EPB41L3: variants seen among roughly 807,000 people sequenced by gnomAD.
EPB41L3 encodes the protein erythrocyte membrane protein band 4.1 like 3, also known as band 4.1-like protein 3.
EPB41L3 carries 57 observed loss-of-function variants against 127.1 expected under a neutral mutation model. The ratio of observed to expected loss-of-function variants is 0.45; its 90% CI spans 0.36 to 0.56. The LOEUF is 0.56. Ranked by LOEUF, EPB41L3 falls within the 20% of genes least tolerant of loss-of-function variation. The pLI is 0.00. For synonymous variants in EPB41L3, 572 were observed against 549.5 expected, an observed-to-expected ratio of 1.04 and a Z score of -0.57; for missense variants, 1,273 against 1,372.2, an observed-to-expected ratio of 0.93 and a Z score of 1.14.
intron 16 of EPB41L3, chr18:5,399,601 T>G (rs952975835): frequency 1.3e-5 from 5 of 378,482 alleles, no homozygotes; most frequent in East Asian, 3.8e-5. Context: ...GTAGGTAGAG[T>G]TGCAACTTCT....
intron 13 of EPB41L3, among the ~76,000 whole-genome samples, chr18:5,412,293 G>A (rs1426998860): frequency 6.6e-6 from 1 of 152,054 alleles, no homozygotes; most frequent in African/African-American, 2.4e-5. Flanking sequence ...CGCCTCCTGG[G>A]TTCAAGTGAT....
intron 1 of EPB41L3, among the ~76,000 whole-genome samples, chr18:5,519,065 C>T (rs1455661082): frequency 6.6e-6 from 1 of 152,176 alleles, no homozygotes; most frequent in Non-Finnish European, 1.5e-5. Context: ...GATGAAATTA[C>T]AGGACTGATA....
chr18:5,495,450 T>A (rs1465097232), intron 1 of EPB41L3, among the ~76,000 whole-genome samples: 4 of 148,350 alleles, frequency 2.7e-5, no homozygotes, highest in Admixed American at 6.7e-5. Context: ...CAGGCCCCAG[T>A]CCCCTGCTTC....
chr18:5,582,108 G>T (rs1326948838), intron 3 of EPB41L3, among the ~76,000 whole-genome samples: 1 of 152,236 alleles, frequency 6.6e-6, no homozygotes, highest in Non-Finnish European at 1.5e-5. Flanking sequence ...AGAAACATTT[G>T]TTTTATGGTA....
chr18:5,448,388 A>C (rs2081833741), intron 3 of EPB41L3, among the ~76,000 whole-genome samples: 1 of 152,090 alleles, frequency 6.6e-6, no homozygotes, highest in Non-Finnish European at 1.5e-5. Context: ...CTAGCATATT[A>C]TTCAACTTTT....
Position 5,397,414 on chromosome 18 carries a change from T to C in EPB41L3, c.2485A>G (p.Lys829Glu). ...SQSWVQKMET[K>E]TESSGIETEP... ...GTCTCTATTCCACTGGACTCCGTCT[T>C]GGTTTCCATTTTCTGCATGGGAAGA... is the stretch of plus-strand genomic sequence containing the variant. Residue 829 changes from lysine to glutamate, a missense_variant, in exon 18 of 23, where the codon AAG becomes GAG. By Grantham distance (56) the Lys-to-Glu change is moderately conservative (BLOSUM62 1). Coordinates refer to ENST00000341928, the MANE Select transcript of EPB41L3 (RefSeq NM_012307.5). This position sits in a 1 kb window ranked among gnomAD's most constrained non-coding sequence, Gnocchi z 4.1. 6.2e-7 allele frequency: 1 copy of C among 1,607,242 alleles called. No individual in the cohort carries two copies. The highest frequency in any genetic ancestry group is 8.5e-7 in the Non-Finnish European group (1 of 1,175,836).
At chr18:5,629,237 G>T (rs962799437), upstream of EPB41L3, among the ~76,000 whole-genome samples, 1 of 151,922 alleles carries the variant, frequency 6.6e-6, no homozygotes. Context: ...TTCCGCGTTG[G>T]TCGTGGGGGT....
At chr18:5,622,501 G>A (rs1056968274) in intron 1 of EPB41L3, among the ~76,000 whole-genome samples, 1 of 152,182 alleles carries the variant, frequency 6.6e-6, no homozygotes, top group African/African-American at 2.4e-5. Flanking sequence ...AGTATGCAGT[G>A]AGCTAAATAG....
At chr18:5,571,678 G>C (rs1201832590) in intron 3 of EPB41L3, among the ~76,000 whole-genome samples, 1 of 152,190 alleles carries the variant, frequency 6.6e-6, no homozygotes, top group Non-Finnish European at 1.5e-5. Context: ...TTTTATCCCT[G>C]CTGGTTGATC....
intron 11 of EPB41L3, 103 bp downstream of exon 11, chr18:5,423,275 A>G: frequency 8.3e-7 from 1 of 1,206,760 alleles, no homozygotes; most frequent in Non-Finnish European, 1.1e-6. Context: ...GCTTTTCAAC[A>G]TACAATATCC....
chr18:5,567,910 A>T (rs566617811), intron 3 of EPB41L3, among the ~76,000 whole-genome samples: 1 of 152,282 alleles, frequency 6.6e-6, no homozygotes, highest in South Asian at 2.1e-4. Flanking sequence ...TAAAACTGAG[A>T]ATATTATAGT....
chr18:5,514,346 T>C (rs940474762), intron 1 of EPB41L3, among the ~76,000 whole-genome samples: 2 of 152,154 alleles, frequency 1.3e-5, no homozygotes, highest in Non-Finnish European at 2.9e-5. Flanking sequence ...CACAAAATGT[T>C]CTCCAACATT....
intron 9 of EPB41L3, among the ~76,000 whole-genome samples, 178 bp downstream of exon 9, chr18:5,428,135 T>C (rs2078478001): frequency 6.6e-6 from 1 of 152,158 alleles, no homozygotes; most frequent in African/African-American, 2.4e-5. Context: ...AACAATATAA[T>C]AAAGAAGAGA....
intron 2 of EPB41L3, chr18:5,480,847 T>G (rs991024627): frequency 2.0e-5 from 3 of 152,198 alleles, no homozygotes; most frequent in Non-Finnish European, 4.4e-5. Context: ...GGTATAGATA[T>G]TCATACTTTT....
chr18:5,428,277 T>G (rs749880603), intron 9 of EPB41L3, 36 bp downstream of exon 9: 1 of 1,609,196 alleles, frequency 6.2e-7, no homozygotes. Flanking sequence ...CAGGGATCTT[T>G]CCTCCCAACG....
rs536524936 is a variant in EPB41L3 at position 5,627,010 on chromosome 18, T to G, written c.-468+1912A>C. On this transcript the variant is annotated intron_variant, in intron 1 of 21. Transcript: ENST00000545076. ...AGAAGAGAGAGAAGGCAGGGTGTTA[T>G]AGCTCAGAAGGTGGAACTGGAAGGA... is the stretch of plus-strand genomic sequence containing the variant. Among the ~76,000 whole-genome samples, 27 of 152,248 alleles carry G rather than the reference T, an allele frequency of 1.8e-4. No individual in the cohort carries two copies. In the East Asian group the frequency reaches 2.7e-3, roughly 15 times the overall value.
chr18:5,467,961 A>AC (rs1461959880), intron 3 of EPB41L3, among the ~76,000 whole-genome samples: 8 of 151,072 alleles, frequency 5.3e-5, no homozygotes, highest in Non-Finnish European at 1.0e-4. Flanking sequence ...GGGTACAGGA[A>AC]CCCCCCTGCC....
chr18:5,419,587 A>G, intron 12 of EPB41L3, 124 bp downstream of exon 12: 1 of 1,307,724 alleles, frequency 7.6e-7, no homozygotes, highest in Non-Finnish European at 1.1e-6. Context: ...TGACATATGA[A>G]TGTGACCAGT....
chr18:5,426,461 C>T (rs2078198124), intron 9 of EPB41L3, among the ~76,000 whole-genome samples: 1 of 152,166 alleles, frequency 6.6e-6, no homozygotes, highest in African/African-American at 2.4e-5. Flanking sequence ...TGTTCCCTCC[C>T]GTCTATTCCC....
Sources: gnomAD v4.1 joint callset for allele counts (sites outside exome capture counted in the v4.1 genomes callset) on GRCh38, gnomAD v4.1.1 for gene constraint, Gnocchi (gnomAD v3.1) non-coding constraint, MANE v1.5 for transcripts, NCBI Gene and HGNC (gene_info 2026-07-23, HGNC 2026-07-21) for gene names.